The following TOX2 variants were observed in gnomAD, a reference collection of about 807,000 sequenced individuals.
The protein encoded by TOX2 is granulosa cell HMG box 1.
In TOX2, 15 loss-of-function variants were observed where a neutral mutation model predicts 47.4. The ratio of observed to expected loss-of-function variants is 0.32; its 90% CI spans 0.21 to 0.49. TOX2 has a LOEUF of 0.49. Ranked by LOEUF, TOX2 falls within the 20% of genes least tolerant of loss-of-function variation. The probability of loss-of-function intolerance (pLI) is 0.99; values close to 1 mark genes in which losing one functional copy is unlikely to be tolerated. For synonymous variants in TOX2, 290 were observed against 296.6 expected, an observed-to-expected ratio of 0.98 and a Z score of 0.23; for missense variants, 622 against 673.1, an observed-to-expected ratio of 0.92 and a Z score of 0.84.
chr20:43,972,108 T>A (rs892625308), intron 1 of TOX2, among the ~76,000 whole-genome samples: 1 of 152,222 alleles, frequency 6.6e-6, no homozygotes, highest in Non-Finnish European at 1.5e-5. Context: ...CCCACCTGCC[T>A]TGAGCACAAG....
chr20:43,923,882 T>G (rs1163895824), intron 1 of TOX2, among the ~76,000 whole-genome samples: 1 of 152,222 alleles, frequency 6.6e-6, no homozygotes, highest in Admixed American at 6.5e-5. Context: ...TGGCCTGACC[T>G]GTGGTTCTGA....
chr20:44,051,588 C>G (rs369771762), intron 4 of TOX2, 43 bp downstream of exon 4: 1 of 1,530,178 alleles, frequency 6.5e-7, no homozygotes, highest in Middle Eastern at 2.5e-4. Context: ...GCCCTCCTGT[C>G]GGCAGGGAAG....
intron 1 of TOX2, chr20:43,955,338 C>T: frequency 1.0e-6 from 1 of 980,596 alleles, no homozygotes; most frequent in Non-Finnish European, 1.2e-6. Context: ...GCAGCCATCG[C>T]AGAGCCTGAA....
At chr20:43,973,288 C>A in intron 1 of TOX2, 79 bp from the exon 2 acceptor site, 1 of 1,414,956 alleles carries the variant, frequency 7.1e-7, no homozygotes, top group Non-Finnish European at 1.0e-6. Flanking sequence ...CAGTCCCCTG[C>A]CCTCCTCCGG....
At chr20:43,952,227 C>T (rs1021553931) in intron 1 of TOX2, among the ~76,000 whole-genome samples, 3 of 151,952 alleles carry the variant, frequency 2.0e-5, no homozygotes, top group Non-Finnish European at 2.9e-5. Flanking sequence ...TTCTAAGAGA[C>T]GGGGCCTTGC....
At chr20:43,977,490 C>T (rs553710742) in intron 2 of TOX2, among the ~76,000 whole-genome samples, 28 of 152,240 alleles carry the variant, frequency 1.8e-4, no homozygotes, top group Non-Finnish European at 3.1e-4. Context: ...ACTTAGAAAC[C>T]GCAGCTGAGA....
chr20:43,959,715 G>A (rs1213470235), intron 1 of TOX2, among the ~76,000 whole-genome samples: 2 of 152,220 alleles, frequency 1.3e-5, no homozygotes, highest in Admixed American at 6.5e-5. Flanking sequence ...GCAACCCGAC[G>A]TACGCTCATG....
intron 3 of TOX2, among the ~76,000 whole-genome samples, chr20:44,031,270 T>C (rs2071146697): frequency 6.6e-6 from 1 of 152,188 alleles, no homozygotes; most frequent in South Asian, 2.1e-4. Context: ...CGCTGTTCCT[T>C]GGTAGCATAA....
At chr20:44,018,789 A>G (rs773888255) in intron 3 of TOX2, among the ~76,000 whole-genome samples, 1 of 152,172 alleles carries the variant, frequency 6.6e-6, no homozygotes, top group Non-Finnish European at 1.5e-5. Flanking sequence ...TTTCCAGGAC[A>G]AGCGCGCCCC....
intron 3 of TOX2, among the ~76,000 whole-genome samples, chr20:44,030,027 T>G (rs2071125390): frequency 6.6e-6 from 1 of 152,122 alleles, no homozygotes; most frequent in South Asian, 2.1e-4. Flanking sequence ...TGCTCCACGC[T>G]CATGGCTGGG....
chr20:44,053,605 T>C (rs1386600086), intron 4 of TOX2, among the ~76,000 whole-genome samples: 2 of 73,720 alleles, frequency 2.7e-5, no homozygotes, highest in Middle Eastern at 4.9e-3. Flanking sequence ...CACACATATA[T>C]ATACATATAC....
chr20:43,917,128 G>C (rs1382611618), intron 1 of TOX2, among the ~76,000 whole-genome samples: 2 of 152,228 alleles, frequency 1.3e-5, no homozygotes, highest in African/African-American at 4.8e-5. Context: ...TTTGCACTTG[G>C]ATGTGAAATC....
At chr20:44,034,443 A>G (rs1463012619) in intron 3 of TOX2, among the ~76,000 whole-genome samples, 1 of 152,166 alleles carries the variant, frequency 6.6e-6, no homozygotes, top group Non-Finnish European at 1.5e-5. Context: ...TCCTCAGGGA[A>G]TGTTTATGGA....
intron 3 of TOX2, among the ~76,000 whole-genome samples, chr20:44,046,428 T>C (rs1213118588): frequency 6.6e-6 from 1 of 152,184 alleles, no homozygotes; most frequent in Non-Finnish European, 1.5e-5. Flanking sequence ...AAAACAGAAT[T>C]ACTATATGAT....
chr20:44,051,036 A>C (rs532899108), intron 3 of TOX2, among the ~76,000 whole-genome samples: 1 of 152,334 alleles, frequency 6.6e-6, no homozygotes, highest in East Asian at 1.9e-4. Context: ...GCTCTCTGGC[A>C]GGGGCTGAAA....
At chr20:44,004,142 G>A (rs1487058628) in intron 2 of TOX2, among the ~76,000 whole-genome samples, 1 of 152,184 alleles carries the variant, frequency 6.6e-6, no homozygotes, top group African/African-American at 2.4e-5. Flanking sequence ...TTCTATGAAC[G>A]GGATGGAAGG....
Position 44,066,724 on chromosome 20 carries a change from C to T in TOX2, c.1357-6C>T. 1.2e-6 allele frequency: 2 copies of T among 1,614,182 alleles called. No individual in the cohort carries two copies. Among genetic ancestry groups the T allele is most frequent in the Non-Finnish European group, 1.7e-6 (2 of 1,180,012 alleles). On this transcript the variant is annotated splice_polypyrimidine_tract_variant and splice_region_variant and intron_variant, in intron 7 of 8. Coordinates refer to ENST00000341197, the MANE Select transcript of TOX2 (RefSeq NM_001098797.2). ...GGCTCATGGCCTCCTCCTTCCCACTCTGTAGGACTTCCCGCACATCTCTGA... is the reference window on the plus strand; with the variant it reads ...GGCTCATGGCCTCCTCCTTCCCACTTTGTAGGACTTCCCGCACATCTCTGA...
intron 3 of TOX2, among the ~76,000 whole-genome samples, chr20:44,045,405 A>C (rs1165162917): frequency 6.6e-6 from 1 of 152,218 alleles, no homozygotes; most frequent in African/African-American, 2.4e-5. Context: ...GTAACCCCAG[A>C]GGTCTGCTGG....
intron 3 of TOX2, among the ~76,000 whole-genome samples, chr20:44,012,153 T>G (rs1347441200): frequency 3.3e-5 from 5 of 152,254 alleles, no homozygotes; most frequent in Non-Finnish European, 7.3e-5. Flanking sequence ...AGATATTGTA[T>G]GTATAAATCA....
Sources: gnomAD v4.1 joint callset for allele counts (sites outside exome capture counted in the v4.1 genomes callset) on GRCh38, gnomAD v4.1.1 for gene constraint, MANE v1.5 for transcripts, NCBI Gene and HGNC (gene_info 2026-07-23, HGNC 2026-07-21) for gene names.